The following SRD5A2 variants were observed in gnomAD, a reference collection of about 807,000 sequenced individuals.
SRD5A2 encodes steroid 5 alpha-reductase 2.
In SRD5A2, 30 loss-of-function variants were observed where a neutral mutation model predicts 27.4. The observed-to-expected ratio is 1.10, with a 90% CI of 0.82 to 1.49. SRD5A2 has a LOEUF of 1.49. SRD5A2 is among the 40% of genes most tolerant of loss of function. The pLI is 0.00. For synonymous variants in SRD5A2, 141 were observed against 133.6 expected, an observed-to-expected ratio of 1.06 and a Z score of -0.38; for missense variants, 348 against 323.4, an observed-to-expected ratio of 1.08 and a Z score of -0.58.
chr2:31,648,258 T>C, the SRD5A2 span, among the ~76,000 whole-genome samples: 8 of 152,226 alleles, frequency 5.3e-5, no homozygotes, highest in Admixed American at 4.6e-4. Flanking sequence ...ATTAAAATAC[T>C]CATTTTGGGA....
chr2:31,579,316 T>C (rs940451778), intron 1 of SRD5A2, among the ~76,000 whole-genome samples: 1 of 152,232 alleles, frequency 6.6e-6, no homozygotes, highest in Non-Finnish European at 1.5e-5. Flanking sequence ...TGACACCTTC[T>C]TCTCTCGAAA....
chr2:31,617,541 A>G, the SRD5A2 span, among the ~76,000 whole-genome samples: 8 of 152,086 alleles, frequency 5.3e-5, no homozygotes, highest in African/African-American at 1.9e-4. Context: ...CTATTGCATC[A>G]TCAGGCTGCA....
In SRD5A2 at chr2:31,562,336, G is replaced by T. The variant is rs569875181; in HGVS notation, c.281+18284C>A. 1.3e-4 allele frequency among the ~76,000 whole-genome samples: 20 copies of T among 152,130 alleles called. No individual in the cohort carries two copies. In the South Asian group the frequency reaches 4.1e-3, roughly 32 times the overall value. ...TGCAATGTGTAATAATCACATTAGG[G>T]TAAAATGGGGTATCCACCACCTCAA... On this transcript the variant is annotated intron_variant, in intron 1 of 4. Transcript: ENST00000622030.
chr2:31,557,303 T>C (rs1666518499), intron 1 of SRD5A2, among the ~76,000 whole-genome samples: 1 of 152,260 alleles, frequency 6.6e-6, no homozygotes, highest in African/African-American at 2.4e-5. Context: ...CAGATGATTT[T>C]AATGTGCAGC....
chr2:31,584,292 A>G (rs1050022696), upstream of SRD5A2, among the ~76,000 whole-genome samples: 1 of 152,238 alleles, frequency 6.6e-6, no homozygotes, highest in Non-Finnish European at 1.5e-5. Context: ...TTAACAAAAC[A>G]TAAAATCAAT....
chr2:31,656,260 A>G, the SRD5A2 span, among the ~76,000 whole-genome samples: 6 of 152,206 alleles, frequency 3.9e-5, no homozygotes, highest in Admixed American at 2.6e-4. Context: ...GGTTTGATTC[A>G]TTAATGCTTT....
chr2:31,613,916 T>C, the SRD5A2 span, among the ~76,000 whole-genome samples: 2 of 152,004 alleles, frequency 1.3e-5, no homozygotes, highest in African/African-American at 4.8e-5. Flanking sequence ...ACAAGAAAAG[T>C]ATAGGGAAAA....
the SRD5A2 span, among the ~76,000 whole-genome samples, chr2:31,586,033 TTTTATTATTA>T: frequency 6.6e-6 from 1 of 152,066 alleles, no homozygotes; most frequent in Non-Finnish European, 1.5e-5. Flanking sequence ...TGTTTATTCA[TTTTATTATTA>T]TTTATTATTA....
intron 1 of SRD5A2, among the ~76,000 whole-genome samples, chr2:31,546,325 C>A (rs1428927879): frequency 6.6e-6 from 1 of 151,820 alleles, no homozygotes; most frequent in Non-Finnish European, 1.5e-5. Flanking sequence ...CTATAGTAAT[C>A]AAAGCAATAT....
At chr2:31,572,342 C>T (rs1326416191) in intron 1 of SRD5A2, among the ~76,000 whole-genome samples, 1 of 152,132 alleles carries the variant, frequency 6.6e-6, no homozygotes, top group Non-Finnish European at 1.5e-5. Flanking sequence ...TGAAAAAATA[C>T]CTATCGGGTA....
chr2:31,644,637 G>A, the SRD5A2 span, among the ~76,000 whole-genome samples: 1 of 152,126 alleles, frequency 6.6e-6, no homozygotes, highest in African/African-American at 2.4e-5. Flanking sequence ...TGTGTGGCCC[G>A]GTTCCTAACA....
intron 1 of SRD5A2, among the ~76,000 whole-genome samples, chr2:31,549,614 T>A (rs1407419330): frequency 6.6e-6 from 1 of 152,148 alleles, no homozygotes; most frequent in East Asian, 1.9e-4. Context: ...TAAAGTAGAC[T>A]CTGAGCAAAC....
At chr2:31,603,066 G>A in the SRD5A2 span, among the ~76,000 whole-genome samples, 1 of 152,064 alleles carries the variant, frequency 6.6e-6, no homozygotes, top group Non-Finnish European at 1.5e-5. Flanking sequence ...ATTGACAAAT[G>A]TTATCTAATT....
intron 4 of SRD5A2, 86 bp downstream of exon 4, chr2:31,529,221 T>A (rs1218830991): frequency 2.5e-5 from 38 of 1,536,764 alleles, no homozygotes; most frequent in Non-Finnish European, 3.3e-5. Context: ...ATATCTTCGG[T>A]TTCTCAATCT....
At chr2:31,629,451 T>C in the SRD5A2 span, among the ~76,000 whole-genome samples, 2 of 152,156 alleles carry the variant, frequency 1.3e-5, no homozygotes, top group Non-Finnish European at 2.9e-5. Flanking sequence ...TTCTGTCCTA[T>C]CCTTCCTTAG....
chr2:31,651,369 G>C, the SRD5A2 span: 1 of 220,160 alleles, frequency 4.5e-6, no homozygotes, highest in South Asian at 9.8e-5. Context: ...GACTTAGTCA[G>C]ACAACTAGAA....
the SRD5A2 span, among the ~76,000 whole-genome samples, chr2:31,641,555 T>C: frequency 6.6e-6 from 1 of 152,264 alleles, no homozygotes; most frequent in African/African-American, 2.4e-5. Context: ...ATATCTCTTA[T>C]AAAAATCTTC....
the SRD5A2 span, among the ~76,000 whole-genome samples, chr2:31,631,603 T>A: frequency 6.6e-6 from 1 of 152,118 alleles, no homozygotes; most frequent in Non-Finnish European, 1.5e-5. Context: ...AGGTAAATTC[T>A]CAGATAACCC....
chr2:31,533,769 G>C lies in SRD5A2; in HGVS notation c.282-3C>G, dbSNP rs753593442. 6 of 1,599,992 alleles carry C rather than the reference G, an allele frequency of 3.8e-6. No homozygotes were observed. Among genetic ancestry groups the C allele is most frequent in the Non-Finnish European group, 5.1e-6 (6 of 1,173,342 alleles). Reference sequence around the variant, plus strand: ...TGAGCAGTGAGTACACAAATGTCCTGGGACACACAGGGAGGAAAGGTTAGG... The same window carrying C: ...TGAGCAGTGAGTACACAAATGTCCTCGGACACACAGGGAGGAAAGGTTAGG... On this transcript the variant is annotated splice_polypyrimidine_tract_variant and splice_region_variant and intron_variant, in intron 1 of 4. Transcript: ENST00000622030.
Sources: gnomAD v4.1 joint callset for allele counts (sites outside exome capture counted in the v4.1 genomes callset) on GRCh38, gnomAD v4.1.1 for gene constraint, MANE v1.5 for transcripts, NCBI Gene and HGNC (gene_info 2026-07-23, HGNC 2026-07-21) for gene names.